The following UFL1 variants were observed in gnomAD, a reference collection of about 807,000 sequenced individuals.
The protein encoded by UFL1 is E3 UFM1-protein ligase 1.
In UFL1, 78 loss-of-function variants were observed where a neutral mutation model predicts 99.3. The ratio of observed to expected loss-of-function variants is 0.79; its 90% CI spans 0.65 to 0.95. The LOEUF (loss-of-function observed/expected upper bound fraction) is 0.95, where lower values mean the gene tolerates loss of function less well. Among genes scored for constraint, UFL1 ranks in the 40% least tolerant of loss-of-function variants. The pLI, the probability that UFL1 is intolerant of heterozygous loss-of-function variation, is 0.00. For synonymous variants in UFL1, 335 were observed against 322.2 expected (o/e 1.04, Z -0.42); for missense variants, 936 against 937.0 (o/e 1.00, Z 0.01).
intron 2 of UFL1, among the ~76,000 whole-genome samples, chr6:96,524,118 A>G (rs998400297): frequency 1.3e-5 from 2 of 152,090 alleles, no homozygotes; most frequent in Non-Finnish European, 2.9e-5. Context: ...CTTCATAGAT[A>G]GAGCCAATTT....
intron 6 of UFL1, among the ~76,000 whole-genome samples, chr6:96,532,294 A>G (rs532050054): frequency 6.6e-6 from 1 of 152,348 alleles, no homozygotes; most frequent in South Asian, 2.1e-4. Flanking sequence ...GTGTTTGCGT[A>G]GAAGGGAACA....
chr6:96,540,514 A>T, intron 10 of UFL1, 21 bp from the exon 11 acceptor site: 1 of 1,586,268 alleles, frequency 6.3e-7, no homozygotes, highest in Non-Finnish European at 8.5e-7. Flanking sequence ...TTCCTACCAA[A>T]AAAAGCATGT....
intron 6 of UFL1, among the ~76,000 whole-genome samples, chr6:96,529,428 G>A (rs1769750135): frequency 6.6e-6 from 1 of 152,068 alleles, no homozygotes. Flanking sequence ...GTTACCTTCT[G>A]TCACTTCTTA....
intron 2 of UFL1, among the ~76,000 whole-genome samples, 187 bp downstream of exon 2, chr6:96,523,478 A>G (rs1383444163): frequency 6.6e-6 from 1 of 152,186 alleles, no homozygotes; most frequent in East Asian, 1.9e-4. Flanking sequence ...TATAATTTAA[A>G]TGAACTCAAA....
chr6:96,554,618 A>G lies in UFL1; in HGVS notation c.*1115A>G, dbSNP rs1036179314. 6.6e-6 allele frequency: 1 copy of G among 152,156 alleles called. No individual in the cohort carries two copies. The highest frequency in any genetic ancestry group is 2.4e-5 in the African/African-American group (1 of 41,432). The allele number at this position is 152,156 out of a possible 1,614,324, so 9.4% of individuals were successfully genotyped here. A position where few individuals can be genotyped will look rare whatever the true frequency, so the allele number is the denominator to read the frequency against. On this transcript the variant is annotated 3_prime_UTR_variant, in exon 19 of 19. Transcript: ENST00000369278. Reference sequence around the variant, plus strand: ...ATAAATTAAATTTCAAATATTTAAAAATACTATTTTATATAATTCCTTATG... The same window carrying G: ...ATAAATTAAATTTCAAATATTTAAAGATACTATTTTATATAATTCCTTATG...
Position 96,552,029 on chromosome 6 carries a change from A to G in UFL1, c.1985+106A>G, listed in dbSNP as rs566506551. 1.3e-4 allele frequency: 95 copies of G among 721,314 alleles called. 2 individuals carry two copies. In the South Asian group the frequency reaches 1.8e-3, roughly 13 times the overall value. 44.7% of individuals were successfully genotyped at this position (721,314 alleles called of 1,614,324 possible). A position where few individuals can be genotyped will look rare whatever the true frequency, so the allele number is the denominator to read the frequency against. ...GCTCTTACACAGAGAATATGTACCTAATGTGTCTAATATATCTAAATGGCT... is the reference window on the plus strand; with the variant it reads ...GCTCTTACACAGAGAATATGTACCTGATGTGTCTAATATATCTAAATGGCT... On this transcript the variant is annotated intron_variant, in intron 17 of 18. Transcript: ENST00000369278.
chr6:96,524,458 G>T, intron 3 of UFL1, 48 bp downstream of exon 3: 1 of 1,432,676 alleles, frequency 7.0e-7, no homozygotes, highest in South Asian at 1.3e-5. Flanking sequence ...TCAATTTTTT[G>T]ATACTGTGAA....
At chr6:96,551,692 C>A in intron 16 of UFL1, 146 bp from the exon 17 acceptor site, 1 of 717,376 alleles carries the variant, frequency 1.4e-6, no homozygotes, top group Non-Finnish European at 2.3e-6. Context: ...ATTGTTAGTT[C>A]TATATCACAA....
At position 96,549,746 on chromosome 6, in the gene UFL1, T is replaced by G. The variant is rs1238457872; in HGVS notation, c.1765T>G (p.Leu589Val). 1.9e-6 allele frequency: 3 copies of G among 1,612,250 alleles called. No homozygotes were observed. Among genetic ancestry groups the G allele is most frequent in the South Asian group, 1.1e-5 (1 of 91,040 alleles). Residue 589 changes from leucine to valine, a missense_variant, in exon 15 of 19, where the codon TTA becomes GTA. Physicochemically the swap from Leu to Val is conservative, Grantham distance 32. Coordinates refer to ENST00000369278, the MANE Select transcript of UFL1 (RefSeq NM_015323.5). ...TDITNLIFNF[L>V]ASDLMMAVDD... ...TATCACTAACCTCATTTTCAACTTC[T>G]TAGCTTCGGATTTAATGATGGCAGT...
intron 6 of UFL1, among the ~76,000 whole-genome samples, chr6:96,530,849 G>A (rs751634677): frequency 3.3e-5 from 5 of 152,078 alleles, no homozygotes; most frequent in Admixed American, 1.3e-4. Context: ...ATCACTATTC[G>A]GTTCTCACTG....
At chr6:96,536,182 T>C in intron 7 of UFL1, 62 bp from the exon 8 acceptor site, 4 of 1,438,134 alleles carry the variant, frequency 2.8e-6, no homozygotes, top group Non-Finnish European at 3.8e-6. Context: ...TAATAAAGTA[T>C]TTTACTTTTT....
At position 96,551,929 on chromosome 6, in the gene UFL1, A is replaced by G. The variant is rs1301550211; in HGVS notation, c.1985+6A>G. ...GGAGACAAAAAAAGGGAAAGGTAAC[A>G]TTAAATTAATCTATATTTGGAAATG... On this transcript the variant is annotated splice_donor_region_variant and intron_variant, in intron 17 of 18. Coordinates refer to ENST00000369278, the MANE Select transcript of UFL1 (RefSeq NM_015323.5). 5.1e-6 allele frequency: 8 copies of G among 1,572,574 alleles called. No homozygotes were observed. The highest frequency in any genetic ancestry group is 7.0e-6 in the Non-Finnish European group (8 of 1,149,412).
chr6:96,522,513 A>C (rs1769631863), intron 1 of UFL1, among the ~76,000 whole-genome samples: 1 of 152,134 alleles, frequency 6.6e-6, no homozygotes, highest in Non-Finnish European at 1.5e-5. Flanking sequence ...AGAGGAGCCT[A>C]ACTCTGCTTT....
chr6:96,551,808 AG>A lies in UFL1; in HGVS notation c.1900-29del, dbSNP rs149542861. On this transcript the variant is annotated intron_variant, in intron 16 of 18. Transcript: ENST00000369278. ...ACTTCCTTATGCAGTTATATATAAA[AG>A]TAAATTATGGTATTCAATGCCTTTT... 7.4e-4 allele frequency: 1,062 copies of A among 1,432,816 alleles called. 16 individuals are homozygous for A. The East Asian group carries it at 0.022, about 29-fold the overall frequency. 88.8% of individuals were successfully genotyped at this position (1,432,816 alleles called of 1,614,324 possible). A position where few individuals can be genotyped will look rare whatever the true frequency, so the allele number is the denominator to read the frequency against.
chr6:96,550,322 C>G (rs1477968405), intron 15 of UFL1, among the ~76,000 whole-genome samples: 1 of 151,866 alleles, frequency 6.6e-6, no homozygotes, highest in Non-Finnish European at 1.5e-5. Flanking sequence ...TCTTTCTTCT[C>G]TGTCCTCCTC....
chr6:96,533,702 G>GGT (rs756952102), intron 6 of UFL1, among the ~76,000 whole-genome samples: 3 of 150,450 alleles, frequency 2.0e-5, no homozygotes, highest in Admixed American at 6.7e-5. Context: ...TAAACGATGG[G>GGT]GTAGATTTCA....
chr6:96,537,422 T>A lies in UFL1; in HGVS notation c.851T>A (p.Ile284Lys). 2 of 1,602,620 alleles carry A rather than the reference T, an allele frequency of 1.2e-6. No homozygotes were observed. Among genetic ancestry groups the A allele is most frequent in the Non-Finnish European group, 1.7e-6 (2 of 1,175,536 alleles). Reference protein sequence around the residue: ...RLGIPDAVSYIKKRYKTTQLL... With the variant: ...RLGIPDAVSYKKKRYKTTQLL... ...GGAATCCCAGATGCTGTAAGCTACA[T>A]AAAGAAAAGATATAAGACTACACAA... Residue 284 changes from isoleucine to lysine, a missense_variant, in exon 9 of 19, where the codon ATA (isoleucine) becomes AAA (lysine). Transcript: ENST00000369278.
chr6:96,529,946 G>A (rs891141192), intron 6 of UFL1, among the ~76,000 whole-genome samples: 3 of 152,010 alleles, frequency 2.0e-5, no homozygotes, highest in Non-Finnish European at 4.4e-5. Context: ...TATCACCACA[G>A]ATACTTTAAT....
At chr6:96,526,998 C>A (rs2127949008) in intron 5 of UFL1, among the ~76,000 whole-genome samples, 1 of 152,206 alleles carries the variant, frequency 6.6e-6, no homozygotes, top group East Asian at 1.9e-4. Context: ...TCTAAACAGT[C>A]AGTATGATAG....
Sources: allele counts gnomAD v4.1 joint callset (sites outside exome capture counted in the v4.1 genomes callset), GRCh38; gene constraint gnomAD v4.1.1; transcripts MANE v1.5; gene names NCBI Gene and HGNC (gene_info 2026-07-23, HGNC 2026-07-21).